Variants in ADGRV1 observed in about 807,000 individuals in gnomAD.
The protein encoded by ADGRV1 is adhesion G protein-coupled receptor V1.
Under a neutral mutation model 596.2 loss-of-function variants are expected in ADGRV1, and 359 were observed. The ratio of observed to expected loss-of-function variants is 0.60; its 90% CI spans 0.55 to 0.66. The LOEUF (loss-of-function observed/expected upper bound fraction) is 0.66, where lower values mean the gene tolerates loss of function less well. Ranked by LOEUF, ADGRV1 falls within the 30% of genes least tolerant of loss-of-function variation. ADGRV1 has a pLI of 0.00. For synonymous variants in ADGRV1, 2,681 were observed against 2,679.2 expected (o/e 1.00, Z -0.02); for missense variants, 7,274 against 7,575.6 (o/e 0.96, Z 1.48).
intron 86 of ADGRV1, among the ~76,000 whole-genome samples, chr5:91,098,507 A>G (rs1272350832): frequency 1.3e-5 from 2 of 152,154 alleles, no homozygotes; most frequent in East Asian, 3.8e-4. Flanking sequence ...CAGGCCCACA[A>G]AATCTGGATA....
intron 1 of ADGRV1, among the ~76,000 whole-genome samples, chr5:90,592,195 C>T (rs532952906): frequency 6.6e-6 from 1 of 152,214 alleles, no homozygotes; most frequent in African/African-American, 2.4e-5. Flanking sequence ...TTCGCAATTG[C>T]AAAAATATGG....
chr5:90,956,882 AAG>A (rs1449700950), intron 83 of ADGRV1, among the ~76,000 whole-genome samples: 9 of 152,294 alleles, frequency 5.9e-5, no homozygotes, highest in Middle Eastern at 3.4e-3. Context: ...CATCTGTGGA[AAG>A]AGCTGTAATG....
rs748632218 is a variant in ADGRV1, at chr5:90,781,492, A to G, written c.13145A>G (p.Asn4382Ser). The change falls in exon 65 of 90, where the codon AAC becomes AGC. Residue 4382 changes from asparagine to serine, a missense_variant. Asn to Ser is a conservative substitution (Grantham distance 46, BLOSUM62 1). Around this residue, in one of 5 missense-constraint regions of ADGRV1, gnomAD observed 3,643 missense variants for 3,809.2 expected, o/e 0.96. Transcript: ENST00000405460. ...LQIDQPPEIG[N>S]ISIVRIIIMK... is the part of the protein sequence containing the mutation. ...ATAGATCAACCTCCTGAAATAGGAA[A>G]CATCTCCATTGTTCGCATCATAATA... 2.5e-6 allele frequency: 4 copies of G among 1,610,770 alleles called. No homozygotes were observed. The highest frequency in any genetic ancestry group is 3.4e-6 in the Non-Finnish European group (4 of 1,178,208).
intron 6 of ADGRV1, 39 bp from the exon 7 acceptor site, chr5:90,627,172 G>T: frequency 8.8e-7 from 1 of 1,135,230 alleles, no homozygotes; most frequent in Non-Finnish European, 1.2e-6. Context: ...AGGTGTTTTG[G>T]CTGTTGATGT....
chr5:91,067,744 T>C (rs1158245747), intron 85 of ADGRV1, among the ~76,000 whole-genome samples: 2 of 152,246 alleles, frequency 1.3e-5, no homozygotes, highest in Non-Finnish European at 2.9e-5. Context: ...CAGTGAAACC[T>C]ACCTGTGTTT....
In ADGRV1 at chr5:90,789,869, A is replaced by G; in HGVS notation, c.14043+18A>G. On this transcript the variant is annotated intron_variant, in intron 69 of 89. Coordinates refer to ENST00000405460, the MANE Select transcript of ADGRV1 (RefSeq NM_032119.4). ...AGATTATGGTATTACTTTTCATTTG[A>G]TTTTTCAAAGTACCAGTTTGCCTAA... 1 of 1,333,526 alleles carries G rather than the reference A, an allele frequency of 7.5e-7. No homozygotes were observed. The highest frequency in any genetic ancestry group is 9.7e-7 in the Non-Finnish European group (1 of 1,029,820). 82.6% of individuals were successfully genotyped at this position (1,333,526 alleles called of 1,614,324 possible).
chr5:90,704,244 T>C (rs1748297951), intron 35 of ADGRV1, 145 bp from the exon 36 acceptor site: 1 of 606,584 alleles, frequency 1.6e-6, no homozygotes, highest in Non-Finnish European at 2.9e-6. Flanking sequence ...TCAGTGGTTT[T>C]TATTTATTTA....
Position 90,863,740 on chromosome 5 carries a change from CTT to C in ADGRV1, c.17756-12_17756-11del. 6.3e-7 allele frequency: 1 copy of C among 1,576,102 alleles called. No homozygotes were observed. Among genetic ancestry groups the C allele is most frequent in the Non-Finnish European group, 8.7e-7 (1 of 1,145,698 alleles). On this transcript the variant is annotated splice_polypyrimidine_tract_variant and intron_variant, in intron 82 of 89. Transcript: ENST00000405460. The stretch of plus-strand genomic sequence containing the variant: ...CATGGATTATTAAACCATATGTGGA[CTT>C]TTTTGTTCCTACAGGTCTTTGCTTG...
chr5:90,787,959 A>G (rs1288796613), intron 67 of ADGRV1, 112 bp from the exon 68 acceptor site: 2 of 643,956 alleles, frequency 3.1e-6, no homozygotes, highest in Middle Eastern at 2.9e-4. Flanking sequence ...ATTATCCTAG[A>G]ATAATTTTCC....
At chr5:90,594,769 C>T (rs1760035380) in intron 1 of ADGRV1, among the ~76,000 whole-genome samples, 2 of 150,908 alleles carry the variant, frequency 1.3e-5, no homozygotes, top group South Asian at 4.2e-4. Flanking sequence ...TGAGTGGACA[C>T]AGCACATGTT....
intron 85 of ADGRV1, among the ~76,000 whole-genome samples, chr5:91,005,742 G>A (rs1288774285): frequency 2.6e-5 from 4 of 152,036 alleles, no homozygotes; most frequent in African/African-American, 9.7e-5. Context: ...CTTAAAACCT[G>A]TTCTCTCCTG....
chr5:90,700,123 C>T (rs1237680047), intron 34 of ADGRV1, among the ~76,000 whole-genome samples: 1 of 152,012 alleles, frequency 6.6e-6, no homozygotes, highest in African/African-American at 2.4e-5. Context: ...CTTTATATTA[C>T]CATGAAAATT....
intron 1 of ADGRV1, among the ~76,000 whole-genome samples, chr5:90,562,780 T>C (rs1180967531): frequency 6.6e-6 from 1 of 152,204 alleles, no homozygotes; most frequent in Non-Finnish European, 1.5e-5. Flanking sequence ...CACAAAATTA[T>C]TAAGTATAAA....
intron 1 of ADGRV1, among the ~76,000 whole-genome samples, chr5:90,565,865 G>A (rs376880506): frequency 3.3e-4 from 50 of 152,278 alleles, no homozygotes; most frequent in African/African-American, 1.2e-3. Context: ...TATTCGGTGT[G>A]AAGTGGTATC....
intron 87 of ADGRV1, among the ~76,000 whole-genome samples, chr5:91,106,920 A>C (rs1791926793): frequency 6.6e-6 from 1 of 152,240 alleles, no homozygotes; most frequent in Non-Finnish European, 1.5e-5. Flanking sequence ...AGTTGCGGGT[A>C]GAAAAGAAAG....
chr5:90,578,852 G>T (rs1580331913), intron 1 of ADGRV1, among the ~76,000 whole-genome samples: 1 of 151,940 alleles, frequency 6.6e-6, no homozygotes, highest in East Asian at 1.9e-4. Context: ...GGTTGTATGT[G>T]TCCAGGAATT....
At chr5:90,614,348 A>G (rs1561385604) in intron 1 of ADGRV1, 1 of 270,706 alleles carries the variant, frequency 3.7e-6, no homozygotes, top group East Asian at 1.1e-4. Context: ...AAGAATTTAA[A>G]AAATTCTCAA....
chr5:90,562,972 A>G (rs1262390478), intron 1 of ADGRV1, among the ~76,000 whole-genome samples: 4 of 152,150 alleles, frequency 2.6e-5, no homozygotes, highest in African/African-American at 4.8e-5. Flanking sequence ...TATACATTTG[A>G]GCAGAGAGAT....
chr5:90,889,388 C>T (rs1428499598), intron 83 of ADGRV1, among the ~76,000 whole-genome samples: 2 of 152,102 alleles, frequency 1.3e-5, no homozygotes, highest in Non-Finnish European at 2.9e-5. Flanking sequence ...TAACAGGCCT[C>T]TCCTCATTAT....
Sources: allele counts gnomAD v4.1 joint callset (sites outside exome capture counted in the v4.1 genomes callset), GRCh38; gene constraint gnomAD v4.1.1; regional missense constraint gnomAD v4.1.1; transcripts MANE v1.5; gene names NCBI Gene and HGNC (gene_info 2026-07-23, HGNC 2026-07-21).